Variants in CFAP54 observed in about 807,000 individuals in gnomAD.
CFAP54 encodes the protein cilia- and flagella-associated protein 54.
A neutral mutation model predicts 370.4 loss-of-function variants in CFAP54; 290 were observed. That is an observed-to-expected ratio of 0.78 (90% CI 0.71 to 0.86). CFAP54 has a LOEUF of 0.86. CFAP54 is among the 40% of genes least tolerant of loss of function. The pLI is 0.00. For synonymous variants in CFAP54, 1,206 were observed against 1,236.5 expected, an observed-to-expected ratio of 0.98 and a Z score of 0.52; for missense variants, 3,399 against 3,528.7, an observed-to-expected ratio of 0.96 and a Z score of 0.93.
chr12:96,802,739 A>G (rs1958834959), intron 63 of CFAP54, among the ~76,000 whole-genome samples: 1 of 152,040 alleles, frequency 6.6e-6, no homozygotes, highest in African/African-American at 2.4e-5. Flanking sequence ...TGCTGCACCT[A>G]TCAACCGGTT....
intron 50 of CFAP54, among the ~76,000 whole-genome samples, chr12:96,726,099 T>G (rs1273957158): frequency 6.0e-5 from 9 of 149,772 alleles, no homozygotes; most frequent in Non-Finnish European, 7.4e-5. Context: ...TGAGGATTTT[T>G]GCATCAATGT....
At position 96,574,071 on chromosome 12, in the gene CFAP54, A is replaced by T. The variant is rs534985947; in HGVS notation, c.2620-2514A>T. On this transcript the variant is annotated intron_variant, in intron 19 of 67. Coordinates refer to ENST00000524981, the MANE Select transcript of CFAP54 (RefSeq NM_001306084.2). Reference sequence around the variant, plus strand: ...GAAGTTAATTCTGATCTCAATTTCGACCAGGCTTCATTATTTTAGAAAAAA... The same window carrying T: ...GAAGTTAATTCTGATCTCAATTTCGTCCAGGCTTCATTATTTTAGAAAAAA... Among the ~76,000 whole-genome samples the T allele has an allele frequency of 2.6e-5, 4 of 152,334 alleles. 1 individual carries two copies. Among genetic ancestry groups the T allele is most frequent in the African/African-American group, 9.6e-5 (4 of 41,588 alleles).
chr12:96,543,301 C>A (rs748979949), intron 14 of CFAP54, among the ~76,000 whole-genome samples: 1 of 152,110 alleles, frequency 6.6e-6, no homozygotes, highest in South Asian at 2.1e-4. Flanking sequence ...AGTGAGACAG[C>A]GGAGGAAAGG....
chr12:96,726,464 G>C (rs1252266036), intron 50 of CFAP54, among the ~76,000 whole-genome samples: 3 of 152,344 alleles, frequency 2.0e-5, no homozygotes, highest in African/African-American at 7.2e-5. Flanking sequence ...TATTTGCGTA[G>C]AGGTGTTTAT....
At chr12:96,764,356 C>T (rs1324095853) in intron 59 of CFAP54, 107 bp downstream of exon 59, 1 of 741,054 alleles carries the variant, frequency 1.3e-6, no homozygotes, top group Non-Finnish European at 2.1e-6. Context: ...GGTGTGATAC[C>T]TCATGCCTGT....
At chr12:96,636,730 C>T (rs888571068) in intron 32 of CFAP54, among the ~76,000 whole-genome samples, 1 of 152,004 alleles carries the variant, frequency 6.6e-6, no homozygotes, top group Admixed American at 6.6e-5. Flanking sequence ...GTGAGGTAGG[C>T]GGATAACAAG....
At chr12:96,541,242 T>C (rs192342582) in intron 14 of CFAP54, among the ~76,000 whole-genome samples, 178 of 151,876 alleles carry the variant, frequency 1.2e-3, no homozygotes, top group African/African-American at 3.9e-3. Context: ...TACTGCCTAC[T>C]CCCCTTTAGT....
At chr12:96,523,275 C>T (rs11616146) in intron 8 of CFAP54, among the ~76,000 whole-genome samples, 15,191 of 152,074 alleles carry the variant, frequency 0.1, 1,236 homozygotes, top group East Asian at 0.45. Context: ...ATAAAGCCTG[C>T]AATATTTAAA....
intron 67 of CFAP54, among the ~76,000 whole-genome samples, chr12:96,871,895 G>A (rs1216940093): frequency 6.6e-6 from 1 of 152,068 alleles, no homozygotes; most frequent in African/African-American, 2.4e-5. Flanking sequence ...TCAGAGCTAT[G>A]ATGGCCTATT....
chr12:96,828,928 C>T, intron 65 of CFAP54, 86 bp from the exon 66 acceptor site: 1 of 671,712 alleles, frequency 1.5e-6, no homozygotes, highest in South Asian at 2.6e-5. Flanking sequence ...CAAGAAAAGA[C>T]AAATGAAATA....
chr12:96,637,557 G>A (rs1956675277), intron 32 of CFAP54, among the ~76,000 whole-genome samples: 1 of 152,140 alleles, frequency 6.6e-6, no homozygotes, highest in Non-Finnish European at 1.5e-5. Context: ...AACAACTGGA[G>A]AATGACTGTT....
intron 61 of CFAP54, among the ~76,000 whole-genome samples, chr12:96,786,102 C>T (rs993197197): frequency 5.3e-5 from 8 of 152,116 alleles, no homozygotes; most frequent in African/African-American, 1.9e-4. Flanking sequence ...TTAGGGGGAA[C>T]CCAAAAGAAA....
In CFAP54 at chr12:96,765,201, A is replaced by G. The variant is rs1316798150; in HGVS notation, c.8264A>G (p.Tyr2755Cys). The change falls in exon 60 of 68, where the codon TAT (tyrosine) becomes TGT (cysteine). Residue 2755 changes from tyrosine (Y) to cysteine (C), a missense_variant. Around this residue, in one of 3 missense-constraint regions of CFAP54, gnomAD observed 2,796 missense variants for 2,869.7 expected, o/e 0.97. Coordinates refer to ENST00000524981, the MANE Select transcript of CFAP54 (RefSeq NM_001306084.2). ...EFAALDLLSS[Y>C]TDYLLDNYQV... ...GCTGCTCTGGATCTTTTGTCTTCGT[A>G]TACAGATTATTTGCTTGGTATGTTT... 2.0e-6 allele frequency: 3 copies of G among 1,522,126 alleles called. No homozygotes were observed. The highest frequency in any genetic ancestry group is 2.7e-6 in the Non-Finnish European group (3 of 1,118,948). The allele number at this position is 1,522,126 out of a possible 1,614,324, so 94.3% of individuals were successfully genotyped here.
At chr12:96,517,587 G>A (rs775707096) in intron 5 of CFAP54, among the ~76,000 whole-genome samples, 1 of 152,172 alleles carries the variant, frequency 6.6e-6, no homozygotes, top group Non-Finnish European at 1.5e-5. Flanking sequence ...AGAAAAATTC[G>A]AGGGTTTTTG....
At chr12:96,742,647 G>T in intron 52 of CFAP54, 61 bp downstream of exon 52, 1 of 1,405,276 alleles carries the variant, frequency 7.1e-7, no homozygotes, top group African/African-American at 1.5e-5. Flanking sequence ...GTGAAGAGGG[G>T]TTTATTGGGA....
intron 63 of CFAP54, among the ~76,000 whole-genome samples, chr12:96,799,352 G>C (rs533723782): frequency 6.6e-6 from 1 of 152,134 alleles, no homozygotes; most frequent in South Asian, 2.1e-4. Context: ...TAGTTTTGCC[G>C]TGTTCAGCAT....
chr12:96,644,409 G>T lies in CFAP54; in HGVS notation c.4547+1G>T, dbSNP rs1314051795. 13 of 1,512,154 alleles carry T rather than the reference G, an allele frequency of 8.6e-6. No individual in the cohort carries two copies. The highest frequency in any genetic ancestry group is 2.0e-5 in the Admixed American group (1 of 50,932). 93.7% of individuals were successfully genotyped at this position (1,512,154 alleles called of 1,614,324 possible). A position where few individuals can be genotyped will look rare whatever the true frequency, so the allele number is the denominator to read the frequency against. Reference sequence around the variant, plus strand: ...TTGGCACATCACATATGATGGTCAGGTATAGTATATTACTGATGAAAAATA... The same window carrying T: ...TTGGCACATCACATATGATGGTCAGTTATAGTATATTACTGATGAAAAATA... On this transcript the variant is annotated splice_donor_variant, in intron 33 of 67. Transcript: ENST00000524981. LOFTEE classifies it high-confidence loss of function.
At chr12:96,526,170 C>T (rs1955378429) in intron 8 of CFAP54, among the ~76,000 whole-genome samples, 1 of 152,174 alleles carries the variant, frequency 6.6e-6, no homozygotes, top group Non-Finnish European at 1.5e-5. Context: ...GGAAATCTTC[C>T]AGCTGGATAA....
intron 1 of CFAP54, among the ~76,000 whole-genome samples, chr12:96,497,293 G>A (rs544606582): frequency 6.6e-6 from 1 of 152,170 alleles, no homozygotes; most frequent in East Asian, 1.9e-4. Context: ...GTGAAAAAAG[G>A]TACATATATA....
Sources: gnomAD v4.1 joint callset for allele counts (sites outside exome capture counted in the v4.1 genomes callset) on GRCh38, gnomAD v4.1.1 for gene constraint, gnomAD v4.1.1 regional missense constraint, MANE v1.5 for transcripts, NCBI Gene and HGNC (gene_info 2026-07-23, HGNC 2026-07-21) for gene names.